Variants in TENM3 observed in about 807,000 individuals in gnomAD.
TENM3 encodes the protein teneurin transmembrane protein 3.
Under a neutral mutation model 255.1 loss-of-function variants are expected in TENM3, and 63 were observed. The ratio of observed to expected loss-of-function variants is 0.25; its 90% CI spans 0.20 to 0.30. The LOEUF (loss-of-function observed/expected upper bound fraction) is 0.30. Among genes scored for constraint, TENM3 ranks in the 10% least tolerant of loss-of-function variants. TENM3 has a pLI of 1.00. For synonymous variants in TENM3, 1,306 were observed against 1,322.3 expected, an observed-to-expected ratio of 0.99 and a Z score of 0.27; for missense variants, 2,929 against 3,461.1, an observed-to-expected ratio of 0.85 and a Z score of 3.86.
At chr4:182,195,001 T>C (rs1224112311) in intron 1 of TENM3, among the ~76,000 whole-genome samples, 2 of 149,826 alleles carry the variant, frequency 1.3e-5, no homozygotes, top group African/African-American at 2.5e-5. Flanking sequence ...GCTTATGAAA[T>C]AAGTGACCAA....
At chr4:182,303,855 G>T (rs1358944808) in intron 1 of TENM3, among the ~76,000 whole-genome samples, 1 of 152,150 alleles carries the variant, frequency 6.6e-6, no homozygotes, top group African/African-American at 2.4e-5. Flanking sequence ...AGGATCCTCA[G>T]ATTAATTGTA....
chr4:182,448,922 C>T (rs1773185527), intron 3 of TENM3: 3 of 350,132 alleles, frequency 8.6e-6, no homozygotes, highest in Middle Eastern at 4.5e-4. Flanking sequence ...GCCCCCTCGG[C>T]GGCCGGGTGT....
At chr4:182,018,312 G>A in the TENM3 span, among the ~76,000 whole-genome samples, 9 of 152,040 alleles carry the variant, frequency 5.9e-5, no homozygotes, top group Non-Finnish European at 1.3e-4. Flanking sequence ...TCTCACAAGC[G>A]TGTGGGATTT....
the TENM3 span, among the ~76,000 whole-genome samples, chr4:181,613,064 A>T: frequency 4.6e-5 from 7 of 152,170 alleles, no homozygotes; most frequent in East Asian, 7.7e-4. Flanking sequence ...AATGCCTATC[A>T]TGCCGTTTGG....
the TENM3 span, among the ~76,000 whole-genome samples, chr4:181,651,912 C>G: frequency 6.6e-6 from 1 of 152,074 alleles, no homozygotes; most frequent in African/African-American, 2.4e-5. Flanking sequence ...CAAATGAACC[C>G]AGGACACATT....
chr4:182,769,786 A>T lies in TENM3; in HGVS notation c.4893-3686A>T, dbSNP rs550073580. ...GCAACAGAGCAAGACTCTGTCTCAA[A>T]AAATAAATAAATACATAAATAAAGA... On this transcript the variant is annotated intron_variant, in intron 22 of 27. Transcript: ENST00000511685. 2.5e-4 allele frequency among the ~76,000 whole-genome samples: 38 copies of T among 150,324 alleles called. 1 individual carries two copies. In the South Asian group the frequency reaches 6.8e-3, roughly 27 times the overall value.
At chr4:181,454,402 A>G in the TENM3 span, among the ~76,000 whole-genome samples, 11 of 152,298 alleles carry the variant, frequency 7.2e-5, no homozygotes, top group South Asian at 2.1e-3. Flanking sequence ...TAGTGTAGCC[A>G]TCGTAATATC....
At chr4:182,696,162 A>T (rs757350810) in intron 12 of TENM3, among the ~76,000 whole-genome samples, 9 of 151,360 alleles carry the variant, frequency 5.9e-5, no homozygotes, top group Admixed American at 3.3e-4. Context: ...ATTACACAAT[A>T]AAAAAAAAGT....
intron 3 of TENM3, among the ~76,000 whole-genome samples, chr4:182,459,221 G>T (rs1327563585): frequency 6.6e-6 from 1 of 152,008 alleles, no homozygotes; most frequent in East Asian, 1.9e-4. Flanking sequence ...AAAAAATAAT[G>T]CTAAAAGCCT....
the TENM3 span, chr4:181,975,278 C>T: frequency 6.6e-6 from 1 of 151,942 alleles, no homozygotes; most frequent in East Asian, 1.9e-4. Flanking sequence ...GCTGCGATTA[C>T]AGGCAAGCAC....
chr4:181,500,556 A>G, the TENM3 span, among the ~76,000 whole-genome samples: 3 of 152,176 alleles, frequency 2.0e-5, no homozygotes, highest in Non-Finnish European at 4.4e-5. Flanking sequence ...TATAAATTTC[A>G]GTCACTTCCA....
At chr4:181,904,093 C>T in the TENM3 span, among the ~76,000 whole-genome samples, 1 of 152,134 alleles carries the variant, frequency 6.6e-6, no homozygotes, top group South Asian at 2.1e-4. Flanking sequence ...TATCCACTTC[C>T]ATATTTACTG....
intron 3 of TENM3, among the ~76,000 whole-genome samples, chr4:182,448,375 A>T (rs527292030): frequency 6.6e-6 from 1 of 150,726 alleles, no homozygotes; most frequent in South Asian, 2.1e-4. Flanking sequence ...CCTGCGACCG[A>T]CCCCTCCCGC....
the TENM3 span, among the ~76,000 whole-genome samples, chr4:182,067,439 G>A: frequency 3.9e-5 from 6 of 152,142 alleles, no homozygotes; most frequent in African/African-American, 7.2e-5. Context: ...ACATTACTGC[G>A]TGTATTTAGT....
the TENM3 span, among the ~76,000 whole-genome samples, chr4:181,616,815 A>T: frequency 6.6e-6 from 1 of 152,300 alleles, no homozygotes; most frequent in Admixed American, 6.5e-5. Flanking sequence ...TTTTTGTTCT[A>T]CGTGTGTGCT....
chr4:182,481,182 A>G (rs1184387234), intron 3 of TENM3, among the ~76,000 whole-genome samples: 2 of 152,174 alleles, frequency 1.3e-5, no homozygotes, highest in African/African-American at 4.8e-5. Flanking sequence ...TATATTTTTT[A>G]AAGAAACAGA....
chr4:181,476,062 T>C, the TENM3 span, among the ~76,000 whole-genome samples: 1 of 152,220 alleles, frequency 6.6e-6, no homozygotes, highest in Admixed American at 6.5e-5. Flanking sequence ...AACTGTCATA[T>C]TCACAGCAGT....
At chr4:182,666,123 A>G (rs574870184) in intron 6 of TENM3, among the ~76,000 whole-genome samples, 45 of 152,312 alleles carry the variant, frequency 3.0e-4, no homozygotes, top group Admixed American at 2.7e-3. Context: ...AGATGTGACA[A>G]TTGCTGCAAT....
chr4:181,947,648 A>G, the TENM3 span, among the ~76,000 whole-genome samples: 1 of 152,206 alleles, frequency 6.6e-6, no homozygotes, highest in African/African-American at 2.4e-5. Flanking sequence ...ATAAAATAGA[A>G]AATAATGAGA....
Sources: gnomAD v4.1 joint callset for allele counts (sites outside exome capture counted in the v4.1 genomes callset) on GRCh38, gnomAD v4.1.1 for gene constraint, MANE v1.5 for transcripts, NCBI Gene and HGNC (gene_info 2026-07-23, HGNC 2026-07-21) for gene names.